The following LPP variants were observed in gnomAD, a reference collection of about 807,000 sequenced individuals.
LPP encodes LIM domain containing preferred translocation partner in lipoma.
In LPP, 38 loss-of-function variants were observed where a neutral mutation model predicts 60.4. The observed-to-expected ratio is 0.63, with a 90% confidence interval of 0.49 to 0.83. The LOEUF is 0.83. Ranked by LOEUF, LPP falls within the 40% of genes least tolerant of loss-of-function variation. LPP has a pLI of 0.00. For synonymous variants in LPP, 328 were observed against 290.8 expected (o/e 1.13, Z -1.30); for missense variants, 902 against 783.6 (o/e 1.15, Z -1.80).
chr3:188,357,023 T>C (rs1284749736), intron 3 of LPP, among the ~76,000 whole-genome samples: 1 of 152,218 alleles, frequency 6.6e-6, no homozygotes, highest in East Asian at 1.9e-4. Context: ...CTCTCCCTTC[T>C]TCTCCATACA....
intron 3 of LPP, among the ~76,000 whole-genome samples, chr3:188,397,389 C>T (rs541381700): frequency 1.3e-5 from 2 of 152,278 alleles, no homozygotes; most frequent in East Asian, 1.9e-4. Context: ...GTAGTCTGTC[C>T]TGGCTATTGT....
intron 1 of LPP, chr3:188,179,163 A>G (rs1181502513): frequency 9.4e-6 from 4 of 427,532 alleles, no homozygotes; most frequent in African/African-American, 4.1e-5. Context: ...CCCGGCCCCC[A>G]TTCCCTATTA....
At chr3:188,391,419 T>C (rs1779670756) in intron 3 of LPP, among the ~76,000 whole-genome samples, 2 of 152,176 alleles carry the variant, frequency 1.3e-5, no homozygotes, top group Admixed American at 1.3e-4. Flanking sequence ...TTTGAACCTG[T>C]CTGTTGTTGA....
chr3:188,185,665 G>A (rs1726386058), intron 1 of LPP, among the ~76,000 whole-genome samples: 1 of 152,092 alleles, frequency 6.6e-6, no homozygotes, highest in Admixed American at 6.5e-5. Context: ...TTCTTCACAT[G>A]TTTCAATCAT....
At chr3:188,418,127 T>A (rs1441735612) in intron 4 of LPP, among the ~76,000 whole-genome samples, 1 of 152,200 alleles carries the variant, frequency 6.6e-6, no homozygotes, top group Admixed American at 6.6e-5. Flanking sequence ...TTATTATAGT[T>A]CCTACATTAT....
chr3:188,542,552 A>G (rs114950934), intron 6 of LPP, among the ~76,000 whole-genome samples: 1 of 152,158 alleles, frequency 6.6e-6, no homozygotes, highest in Non-Finnish European at 1.5e-5. Flanking sequence ...GAAGCTTGTC[A>G]TTTAGCCATT....
At chr3:188,283,220 G>A (rs1742715748) in intron 2 of LPP, among the ~76,000 whole-genome samples, 1 of 152,196 alleles carries the variant, frequency 6.6e-6, no homozygotes, top group South Asian at 2.1e-4. Flanking sequence ...TTCTTAGAGT[G>A]TCAACCCTCC....
chr3:188,266,050 A>T (rs1244470896), intron 2 of LPP, among the ~76,000 whole-genome samples: 1 of 152,064 alleles, frequency 6.6e-6, no homozygotes, highest in African/African-American at 2.4e-5. Flanking sequence ...TGCTTCTGTA[A>T]CAAAGTGCGG....
rs7652992 is a variant in LPP, at chr3:188,366,160, T to C, written c.-10+24441T>C. ...GTTTGTTTTTCTGTGCCTGGCTTAG[T>C]TCCTTAAGCAACATTTCCTCCAGAT... is the stretch of plus-strand genomic sequence containing the variant. On this transcript the variant is annotated intron_variant, in intron 3 of 11. Transcript: ENST00000617246. Among the ~76,000 whole-genome samples, 512 of 152,368 alleles carry C rather than the reference T, an allele frequency of 3.4e-3. 2 individuals carry two copies. The highest frequency in any genetic ancestry group is 0.011 in the African/African-American group (466 of 41,590).
chr3:188,226,924 T>C (rs1404136836), intron 2 of LPP, among the ~76,000 whole-genome samples: 1 of 152,222 alleles, frequency 6.6e-6, no homozygotes, highest in African/African-American at 2.4e-5. Flanking sequence ...GGTTTGATGC[T>C]TAAACCTTAG....
intron 6 of LPP, among the ~76,000 whole-genome samples, chr3:188,596,532 A>G (rs188492269): frequency 1.2e-3 from 188 of 152,224 alleles, no homozygotes; most frequent in African/African-American, 4.2e-3. Context: ...TTTTTCTCCT[A>G]TACAATCTAC....
chr3:188,494,088 C>G (rs558137302), intron 5 of LPP, among the ~76,000 whole-genome samples: 1 of 152,208 alleles, frequency 6.6e-6, no homozygotes, highest in South Asian at 2.1e-4. Flanking sequence ...TATTTAAATG[C>G]AGGGTGGCCA....
intron 4 of LPP, among the ~76,000 whole-genome samples, chr3:188,469,389 G>A (rs1411497615): frequency 4.6e-5 from 7 of 151,950 alleles, no homozygotes; most frequent in African/African-American, 9.7e-5. Flanking sequence ...TTACATCATC[G>A]CATTTTTGAG....
chr3:188,549,155 A>G (rs1312816841), intron 6 of LPP, among the ~76,000 whole-genome samples: 3 of 152,242 alleles, frequency 2.0e-5, no homozygotes, highest in African/African-American at 7.2e-5. Flanking sequence ...TTTAATTTAA[A>G]AAAAGCAGTT....
At chr3:188,465,731 G>A (rs142255575) in intron 4 of LPP, among the ~76,000 whole-genome samples, 24 of 152,228 alleles carry the variant, frequency 1.6e-4, no homozygotes, top group African/African-American at 5.5e-4. Flanking sequence ...TTAATAGGAG[G>A]CCGTGTAGCT....
intron 1 of LPP, among the ~76,000 whole-genome samples, chr3:188,185,214 A>T (rs1726227099): frequency 7.5e-6 from 1 of 132,900 alleles, no homozygotes; most frequent in Non-Finnish European, 1.6e-5. Flanking sequence ...GACCTCGAGA[A>T]TGTTGTTTCT....
At chr3:188,511,299 CCCTG>C (rs1815563821) in intron 5 of LPP, among the ~76,000 whole-genome samples, 1 of 109,434 alleles carries the variant, frequency 9.1e-6, no homozygotes, top group Non-Finnish European at 1.9e-5. Context: ...TTCCTTCCCT[CCCTG>C]CCTTCCTCCC....
intron 2 of LPP, among the ~76,000 whole-genome samples, chr3:188,235,678 G>T (rs1304702256): frequency 6.6e-6 from 1 of 152,156 alleles, no homozygotes; most frequent in African/African-American, 2.4e-5. Context: ...GACTAACTGA[G>T]GATGTCTTAG....
intron 6 of LPP, among the ~76,000 whole-genome samples, chr3:188,582,154 CTTTTTTTTTTTTT>C (rs10565240): frequency 2.6e-4 from 27 of 102,230 alleles, no homozygotes; most frequent in African/African-American, 1.0e-3. Flanking sequence ...TTTTCTTTTT[CTTTTTTTTTTTTT>C]TTTTTTTTTT....
Sources: allele counts gnomAD v4.1 joint callset (sites outside exome capture counted in the v4.1 genomes callset), GRCh38; gene constraint gnomAD v4.1.1; transcripts MANE v1.5; gene names NCBI Gene and HGNC (gene_info 2026-07-23, HGNC 2026-07-21).